NUBPL: variants seen among roughly 807,000 people sequenced by gnomAD.
The protein encoded by NUBPL is NUBP iron-sulfur cluster assembly factor, mitochondrial.
NUBPL carries 31 observed loss-of-function variants against 45.7 expected under a neutral mutation model. That is an observed-to-expected ratio of 0.68 (90% confidence interval 0.51 to 0.92). The LOEUF (loss-of-function observed/expected upper bound fraction) is 0.92. Ranked by LOEUF, NUBPL falls within the 40% of genes least tolerant of loss-of-function variation. The probability of loss-of-function intolerance (pLI) is 0.00; values close to 1 mark genes in which losing one functional copy is unlikely to be tolerated. For synonymous variants in NUBPL, 144 were observed against 140.9 expected (o/e 1.02, Z -0.15); for missense variants, 401 against 398.7 (o/e 1.01, Z -0.05).
At chr14:31,824,942 TA>T (rs575778456) in intron 7 of NUBPL, among the ~76,000 whole-genome samples, 1,976 of 151,768 alleles carry the variant, frequency 0.013, 45 homozygotes, top group African/African-American at 0.045. Context: ...ACCACAAAAT[TA>T]AAAAAAAATT....
chr14:31,562,295 G>A, intron 2 of NUBPL, 80 bp downstream of exon 2: 3 of 1,357,010 alleles, frequency 2.2e-6, no homozygotes, highest in Non-Finnish European at 3.0e-6. Flanking sequence ...TTATAGTTTT[G>A]TGTTTTAAAA....
rs144075915 is a variant in NUBPL at position 31,813,536 on chromosome 14, TACAC to T, written c.608-13079_608-13076del. ...ATATATATACACACACATACATCCATACACACACACACACACATACTTTAAGTCC... is the reference window on the plus strand; with the variant it reads ...ATATATATACACACACATACATCCATACACACACACACATACTTTAAGTCC... On this transcript the variant is annotated intron_variant, in intron 7 of 10. Transcript: ENST00000281081. 8.4e-4 allele frequency among the ~76,000 whole-genome samples: 125 copies of T among 149,542 alleles called. 1 individual carries two copies. In the East Asian group the frequency reaches 0.017, roughly 21 times the overall value.
In NUBPL at chr14:31,576,935, G is replaced by C. The variant is rs8018415; in HGVS notation, c.291+11887G>C. Among the ~76,000 whole-genome samples, 458 of 152,316 alleles carry C rather than the reference G, an allele frequency of 3.0e-3. 4 individuals carry two copies. Among genetic ancestry groups the C allele is most frequent in the African/African-American group, 0.01 (433 of 41,564 alleles). On this transcript the variant is annotated intron_variant, in intron 3 of 10. Coordinates refer to ENST00000281081, the MANE Select transcript of NUBPL (RefSeq NM_025152.3). Reference sequence around the variant, plus strand: ...TTGCATGGCCTTCCTCAGCATGGCAGCCTCAGTGTAATTGGACTTACTTGG... The same window carrying C: ...TTGCATGGCCTTCCTCAGCATGGCACCCTCAGTGTAATTGGACTTACTTGG...
chr14:31,609,181 C>T (rs923493771), intron 4 of NUBPL, among the ~76,000 whole-genome samples: 5 of 151,970 alleles, frequency 3.3e-5, no homozygotes, highest in African/African-American at 9.7e-5. Flanking sequence ...ACAAGAACTA[C>T]ATTTCACCTA....
chr14:31,755,600 C>A (rs1415045801), intron 6 of NUBPL, among the ~76,000 whole-genome samples: 1 of 151,840 alleles, frequency 6.6e-6, no homozygotes, highest in Non-Finnish European at 1.5e-5. Flanking sequence ...GGATATTAGC[C>A]CTTTGTCAGA....
At position 31,562,048 on chromosome 14, in the gene NUBPL, A is replaced by T. The variant is rs538841957; in HGVS notation, c.109-20A>T. The T allele has an allele frequency of 1.3e-6, 2 of 1,551,360 alleles. No homozygotes were observed. The highest frequency in any genetic ancestry group is 1.7e-6 in the Non-Finnish European group (2 of 1,146,718). ...GATGGCTTATTTAAAACGGCTTTTT[A>T]TTATTATTATTTTTTAAAGTTGTCT... On this transcript the variant is annotated intron_variant, in intron 1 of 10. Coordinates refer to ENST00000281081, the MANE Select transcript of NUBPL (RefSeq NM_025152.3).
chr14:31,612,627 C>T (rs2034790212), intron 4 of NUBPL, among the ~76,000 whole-genome samples: 1 of 150,890 alleles, frequency 6.6e-6, no homozygotes, highest in African/African-American at 2.4e-5. Context: ...TGCCACTGCA[C>T]TCCAGCCTGG....
Position 31,582,603 on chromosome 14 carries a change from C to G in NUBPL, c.292-16686C>G, listed in dbSNP as rs1177361337. 2.6e-5 allele frequency among the ~76,000 whole-genome samples: 4 copies of G among 152,080 alleles called. No individual in the cohort carries two copies. The South Asian group carries it at 8.3e-4, about 32-fold the overall frequency. On this transcript the variant is annotated intron_variant, in intron 3 of 10. Transcript: ENST00000281081. ...TTCATAGGCATCTGACCAAGTCTTT[C>G]AGAGGCAAATCTTAGTATTACTTAT...
At chr14:31,709,102 T>C (rs2037515627) in intron 6 of NUBPL, among the ~76,000 whole-genome samples, 1 of 152,166 alleles carries the variant, frequency 6.6e-6, no homozygotes, top group African/African-American at 2.4e-5. Context: ...ATACTGAGGT[T>C]GCCAGGTTTA....
At position 31,693,852 on chromosome 14, in the gene NUBPL, C is replaced by CTTTTTT. The variant is rs138873656; in HGVS notation, c.513+20282_513+20283insTTTTTT. On this transcript the variant is annotated intron_variant, in intron 6 of 10. Coordinates refer to ENST00000281081, the MANE Select transcript of NUBPL (RefSeq NM_025152.3). ...TTAAACATGAGGTAGATTTTCTTTT[C>CTTTTTT]TTTTCTTTTTTTTTTTTTTTTGAGA... 9.2e-3 allele frequency among the ~76,000 whole-genome samples: 610 copies of CTTTTTT among 66,490 alleles called. 9 individuals are homozygous for CTTTTTT. Among genetic ancestry groups the CTTTTTT allele is most frequent in the African/African-American group, 0.023 (519 of 22,102 alleles). The allele number at this position is 66,490 out of a possible 152,430, so 43.6% of individuals were successfully genotyped here.
At position 31,610,335 on chromosome 14, in the gene NUBPL, G is replaced by GGA. The variant is rs1384694863; in HGVS notation, c.382+10956_382+10957insGA. Among the ~76,000 whole-genome samples the GGA allele has an allele frequency of 1.4e-4, 22 of 151,866 alleles. No individual in the cohort carries two copies. The South Asian group carries it at 4.4e-3, about 30-fold the overall frequency. ...AAGAAATGGATAAATTCATATACAC[G>GGA]TACAACCTACCAAGATTGAATTAGG... On this transcript the variant is annotated intron_variant, in intron 4 of 10. Coordinates refer to ENST00000281081, the MANE Select transcript of NUBPL (RefSeq NM_025152.3).
intron 4 of NUBPL, among the ~76,000 whole-genome samples, chr14:31,599,813 T>C (rs926600633): frequency 2.0e-5 from 3 of 152,176 alleles, no homozygotes; most frequent in African/African-American, 7.2e-5. Flanking sequence ...GGAGCATCTC[T>C]TACCATCATG....
chr14:31,711,199 T>C (rs2037562721), intron 6 of NUBPL, among the ~76,000 whole-genome samples: 1 of 152,146 alleles, frequency 6.6e-6, no homozygotes, highest in African/African-American at 2.4e-5. Context: ...ATGGCTTTCC[T>C]CTCTGTCGAC....
intron 6 of NUBPL, among the ~76,000 whole-genome samples, chr14:31,706,213 C>T (rs181229985): frequency 1.5e-3 from 225 of 152,300 alleles, no homozygotes; most frequent in Middle Eastern, 0.014. Context: ...ACCACTCTAG[C>T]TACTTCCTGC....
chr14:31,787,753 A>G (rs2039309505), intron 6 of NUBPL, 27 bp from the exon 7 acceptor site: 5 of 1,411,558 alleles, frequency 3.5e-6, no homozygotes, highest in Non-Finnish European at 5.0e-6. Context: ...TTTTTATACA[A>G]TGATATAATC....
chr14:31,609,256 A>G (rs1202698710), intron 4 of NUBPL, among the ~76,000 whole-genome samples: 3 of 152,192 alleles, frequency 2.0e-5, no homozygotes, highest in African/African-American at 7.2e-5. Context: ...AGAAACCAAA[A>G]AAGAGCAGGA....
At chr14:31,842,707 G>C (rs1485308572) in intron 8 of NUBPL, among the ~76,000 whole-genome samples, 3 of 152,030 alleles carry the variant, frequency 2.0e-5, no homozygotes. Flanking sequence ...TGAACTTCTG[G>C]AATTACAGGC....
At chr14:31,816,623 G>T (rs1266742257) in intron 7 of NUBPL, among the ~76,000 whole-genome samples, 2 of 152,006 alleles carry the variant, frequency 1.3e-5, no homozygotes, top group African/African-American at 4.8e-5. Flanking sequence ...TGTGATGTTA[G>T]GGTGTCGATT....
intron 6 of NUBPL, among the ~76,000 whole-genome samples, chr14:31,763,241 C>T (rs2038850168): frequency 6.6e-6 from 1 of 152,158 alleles, no homozygotes; most frequent in Non-Finnish European, 1.5e-5. Context: ...TTGATTGCCT[C>T]TGTGTTTATC....
Sources: allele counts gnomAD v4.1 joint callset (sites outside exome capture counted in the v4.1 genomes callset), GRCh38; gene constraint gnomAD v4.1.1; transcripts MANE v1.5; gene names NCBI Gene and HGNC (gene_info 2026-07-23, HGNC 2026-07-21).